ALX4: variants seen among roughly 807,000 people sequenced by gnomAD.
The protein encoded by ALX4 is homeobox protein aristaless-like 4.
Under a neutral mutation model 40.6 loss-of-function variants are expected in ALX4, and 22 were observed. That is an observed-to-expected ratio of 0.54 (90% CI 0.39 to 0.77). The LOEUF (loss-of-function observed/expected upper bound fraction) is 0.77, where lower values mean the gene tolerates loss of function less well. Ranked by LOEUF, ALX4 falls within the 30% of genes least tolerant of loss-of-function variation. The probability of loss-of-function intolerance (pLI) is 0.00; values close to 1 mark genes in which losing one functional copy is unlikely to be tolerated. For missense variants in ALX4, 556 were observed against 564.8 expected (o/e 0.98, Z 0.16); for synonymous variants, 266 against 240.5 (o/e 1.11, Z -0.98).
intron 1 of ALX4, among the ~76,000 whole-genome samples, chr11:44,293,099 AGAAGGAAGGAAGGAAG>A (rs1172183534): frequency 1.2e-3 from 43 of 37,166 alleles, no homozygotes; most frequent in African/African-American, 2.7e-3. Flanking sequence ...CCTGTCTGAG[AGAAGGAAGGAAGGAAG>A]GAAGGAAGGA....
At position 44,260,641 on chromosome 11, in the gene ALX4, A is replaced by T. The variant is rs988842130; in HGVS notation, c.*4213T>A. On this transcript the variant is annotated 3_prime_UTR_variant, in exon 4 of 4. Coordinates refer to ENST00000652299, the MANE Select transcript of ALX4 (RefSeq NM_021926.4). ...GCAATAACTTACTTTAAAAGGCAAG[A>T]ACGTTTCTTTTAATATTTTGCTATA... 6.6e-6 allele frequency: 1 copy of T among 152,176 alleles called. No individual in the cohort carries two copies. The highest frequency in any genetic ancestry group is 1.5e-5 in the Non-Finnish European group (1 of 68,026). 9.4% of individuals were successfully genotyped at this position (152,176 alleles called of 1,614,324 possible). A position where few individuals can be genotyped will look rare whatever the true frequency, so the allele number is the denominator to read the frequency against.
chr11:44,270,514 G>A (rs922438252), intron 2 of ALX4, among the ~76,000 whole-genome samples: 1 of 152,040 alleles, frequency 6.6e-6, no homozygotes, highest in South Asian at 2.1e-4. Flanking sequence ...CCAGTAAATT[G>A]GAGGCAGCAA....
chr11:44,262,098 T>TG lies in ALX4; in HGVS notation c.*2755dup, dbSNP rs1409103947. 6.6e-6 allele frequency: 1 copy of TG among 152,402 alleles called. No homozygotes were observed. Among genetic ancestry groups the TG allele is most frequent in the East Asian group, 1.9e-4 (1 of 5,186 alleles). The allele number at this position is 152,402 out of a possible 1,614,324, so 9.4% of individuals were successfully genotyped here. A position where few individuals can be genotyped will look rare whatever the true frequency, so the allele number is the denominator to read the frequency against. ...TCCATGCAGCACCGGCCGCCCCTGG[T>TG]GCCAACGAAGCCCAGGCCCTCACAC... On this transcript the variant is annotated 3_prime_UTR_variant, in exon 4 of 4. Transcript: ENST00000652299.
intron 1 of ALX4, among the ~76,000 whole-genome samples, chr11:44,280,685 C>T (rs1956304601): frequency 6.6e-6 from 1 of 152,218 alleles, no homozygotes; most frequent in Non-Finnish European, 1.5e-5. Context: ...AGTAGTGAAC[C>T]TACATCACTG....
chr11:44,298,313 T>C (rs1956415309), intron 1 of ALX4, among the ~76,000 whole-genome samples: 1 of 152,066 alleles, frequency 6.6e-6, no homozygotes, highest in African/African-American at 2.4e-5. Flanking sequence ...GACGGAATCA[T>C]GGGTGTGCTG....
intron 1 of ALX4, among the ~76,000 whole-genome samples, chr11:44,293,422 A>AG (rs35762239): frequency 0.45 from 62,624 of 137,658 alleles, 13,350 homozygotes; most frequent in Admixed American, 0.54. Context: ...TAAAAAAAGA[A>AG]AAAAAAATAT....
In ALX4 at chr11:44,276,458, A is replaced by G. The variant is rs1489490606; in HGVS notation, c.467-800T>C. Among the ~76,000 whole-genome samples the G allele has an allele frequency of 2.6e-5, 4 of 152,198 alleles. No homozygotes were observed. The East Asian group carries it at 7.7e-4, about 29-fold the overall frequency. ...ACAGCTCCCAGCCACTGCGTCTGGC[A>G]GATGGACCCCCCACCCACCGGCACA... On this transcript the variant is annotated intron_variant, in intron 1 of 3. Transcript: ENST00000652299.
chr11:44,292,228 C>T (rs1372794366), intron 1 of ALX4, among the ~76,000 whole-genome samples: 2 of 147,160 alleles, frequency 1.4e-5, no homozygotes, highest in African/African-American at 2.5e-5. Context: ...TATAAGATTG[C>T]TTTTTTTTTT....
At chr11:44,270,054 C>T (rs1171852225) in intron 2 of ALX4, among the ~76,000 whole-genome samples, 4 of 152,126 alleles carry the variant, frequency 2.6e-5, no homozygotes, top group Non-Finnish European at 5.9e-5. Context: ...TCCCTACAGG[C>T]TCTGGAACAG....
At chr11:44,287,871 C>T (rs1030919261) in intron 1 of ALX4, among the ~76,000 whole-genome samples, 21 of 152,196 alleles carry the variant, frequency 1.4e-4, no homozygotes, top group African/African-American at 5.1e-4. Context: ...CTTCATTGAC[C>T]ATCTGGGACC....
chr11:44,264,645 T>C lies in ALX4; in HGVS notation c.*209A>G. On this transcript the variant is annotated 3_prime_UTR_variant, in exon 4 of 4. Transcript: ENST00000652299. ...GTGGCCGGGAGCAGGGGTCAGGGCCTCAGTGCCAGGGAGGGGCCAGGGGCC... is the reference window on the plus strand; with the variant it reads ...GTGGCCGGGAGCAGGGGTCAGGGCCCCAGTGCCAGGGAGGGGCCAGGGGCC... 1.6e-6 allele frequency: 1 copy of C among 615,668 alleles called. No individual in the cohort carries two copies. The allele number at this position is 615,668 out of a possible 1,614,324, so 38.1% of individuals were successfully genotyped here. A position where few individuals can be genotyped will look rare whatever the true frequency, so the allele number is the denominator to read the frequency against.
chr11:44,266,847 T>TG (rs879864243), intron 3 of ALX4, among the ~76,000 whole-genome samples: 1 of 152,064 alleles, frequency 6.6e-6, no homozygotes, highest in East Asian at 1.9e-4. Context: ...GAAAATGCTC[T>TG]GGGGGGAGGG....
At chr11:44,288,815 C>T (rs1956353724) in intron 1 of ALX4, among the ~76,000 whole-genome samples, 1 of 152,172 alleles carries the variant, frequency 6.6e-6, no homozygotes, top group Admixed American at 6.5e-5. Context: ...TTTCAACTGT[C>T]CTACAGTTAG....
chr11:44,297,283 T>C (rs761746202), intron 1 of ALX4, among the ~76,000 whole-genome samples: 3 of 152,238 alleles, frequency 2.0e-5, no homozygotes, highest in Non-Finnish European at 2.9e-5. Context: ...AAAAAGTTCA[T>C]TCTTAATTAA....
At chr11:44,295,585 C>T (rs1956398346) in intron 1 of ALX4, among the ~76,000 whole-genome samples, 2 of 152,202 alleles carry the variant, frequency 1.3e-5, no homozygotes, top group African/African-American at 4.8e-5. Flanking sequence ...CCTGGTTGTG[C>T]CATTCACTGG....
At chr11:44,292,191 G>A (rs926507931) in intron 1 of ALX4, among the ~76,000 whole-genome samples, 6 of 151,860 alleles carry the variant, frequency 4.0e-5, no homozygotes, top group African/African-American at 1.5e-4. Flanking sequence ...CCTTGGATGA[G>A]AAAGGGAAAG....
intron 2 of ALX4, among the ~76,000 whole-genome samples, chr11:44,274,455 G>C (rs1956266392): frequency 1.3e-5 from 2 of 151,900 alleles, no homozygotes; most frequent in South Asian, 4.2e-4. Context: ...GTTCTATTCG[G>C]TTGCACTGAG....
At chr11:44,279,596 G>A (rs1407571673) in intron 1 of ALX4, among the ~76,000 whole-genome samples, 2 of 152,182 alleles carry the variant, frequency 1.3e-5, no homozygotes, top group South Asian at 2.1e-4. Context: ...GACTGCTCCT[G>A]ACCAAAGGAA....
rs117041893 is a variant in ALX4 at position 44,308,649 on chromosome 11, G to A, written c.466+948C>T. ...GAGTGTCTCTCTCTCCCGGGCAATGGTGGCTGTGCTCTGGGGGGCCCAGGC... is the reference window on the plus strand; with the variant it reads ...GAGTGTCTCTCTCTCCCGGGCAATGATGGCTGTGCTCTGGGGGGCCCAGGC... On this transcript the variant is annotated intron_variant, in intron 1 of 3. Transcript: ENST00000652299. Among the ~76,000 whole-genome samples, 1,360 of 152,366 alleles carry A rather than the reference G, an allele frequency of 8.9e-3. 11 individuals are homozygous for A. The highest frequency in any genetic ancestry group is 0.027 in the Middle Eastern group (8 of 294).
Sources: allele counts gnomAD v4.1 joint callset (sites outside exome capture counted in the v4.1 genomes callset), GRCh38; gene constraint gnomAD v4.1.1; transcripts MANE v1.5; gene names NCBI Gene and HGNC (gene_info 2026-07-23, HGNC 2026-07-21).